UQCRC2: variants seen among roughly 807,000 people sequenced by gnomAD.
UQCRC2 encodes cytochrome b-c1 complex subunit 2, mitochondrial.
A neutral mutation model predicts 55.6 loss-of-function variants in UQCRC2; 49 were observed. That is an observed-to-expected ratio of 0.88 (90% CI 0.70 to 1.12). UQCRC2 has a LOEUF of 1.12. UQCRC2 is among the 50% of genes most tolerant of loss of function. The pLI, the probability that UQCRC2 is intolerant of heterozygous loss-of-function variation, is 0.00. For missense variants in UQCRC2, 506 were observed against 547.8 expected (o/e 0.92, Z 0.76); for synonymous variants, 193 against 192.0 (o/e 1.01, Z -0.04).
chr16:21,968,432 A>T, intron 7 of UQCRC2, 196 bp from the exon 8 acceptor site: 1 of 427,658 alleles, frequency 2.3e-6, no homozygotes, highest in Non-Finnish European at 4.1e-6. Context: ...GACCACAATT[A>T]GGTTCTAGTT....
Position 21,953,435 on chromosome 16 carries a change from A to G in UQCRC2, c.12A>G (p.Leu4=), listed in dbSNP as rs1280748452. The change falls in exon 1 of 14, where the codon CTA becomes CTG. Residue 4 remains leucine (L), a synonymous_variant. Transcript: ENST00000268379. MKL[L]TRAGSFSRFY... is the part of the protein sequence containing the mutation. ...AACAATCTTGAATCATGAAGCTACT[A>G]ACCAGAGCCGGCTCTTTCTCGGTGA... 3.7e-6 allele frequency: 6 copies of G among 1,613,036 alleles called. No individual in the cohort carries two copies. Among genetic ancestry groups the G allele is most frequent in the Non-Finnish European group, 4.2e-6 (5 of 1,179,700 alleles).
intron 10 of UQCRC2, among the ~76,000 whole-genome samples, chr16:21,973,113 A>C (rs1247415388): frequency 1.3e-5 from 2 of 152,086 alleles, no homozygotes; most frequent in Non-Finnish European, 2.9e-5. Context: ...AATATATATA[A>C]ATAAATAAAT....
rs771775129 is a variant in UQCRC2 at position 21,971,627 on chromosome 16, AT to A, written c.766+10del. ...AAGGCCAACTACCGTGGAGGTAAGC[AT>A]TTCATTCTATTAGGGTTAATTTATC... is the stretch of plus-strand genomic sequence containing the variant. On this transcript the variant is annotated splice_region_variant and intron_variant, in intron 9 of 13. Coordinates refer to ENST00000268379, the MANE Select transcript of UQCRC2 (RefSeq NM_003366.4). 11 of 1,612,714 alleles carry A rather than the reference AT, an allele frequency of 6.8e-6. No individual in the cohort carries two copies. In the South Asian group the frequency reaches 1.2e-4, roughly 18 times the overall value.
intron 13 of UQCRC2, among the ~76,000 whole-genome samples, chr16:21,982,086 C>T (rs370708805): frequency 2.0e-5 from 3 of 152,052 alleles, no homozygotes; most frequent in Admixed American, 6.5e-5. Flanking sequence ...GTGATCCACC[C>T]GCCTCAGCCT....
chr16:21,977,654 C>T (rs955105922), intron 12 of UQCRC2, among the ~76,000 whole-genome samples: 4 of 152,166 alleles, frequency 2.6e-5, no homozygotes, highest in African/African-American at 9.7e-5. Context: ...GGAAATCAAC[C>T]TGCATTTTCA....
chr16:21,955,318 G>A (rs2141924521), intron 1 of UQCRC2, among the ~76,000 whole-genome samples: 1 of 152,284 alleles, frequency 6.6e-6, no homozygotes, highest in African/African-American at 2.4e-5. Context: ...AGTACTAAAA[G>A]CAAGTGATAA....
chr16:21,965,922 A>C (rs1266160893), intron 7 of UQCRC2, among the ~76,000 whole-genome samples: 4 of 152,116 alleles, frequency 2.6e-5, no homozygotes, highest in Non-Finnish European at 5.9e-5. Context: ...AAGCTCAAGC[A>C]GTCCTTCTGC....
In UQCRC2 at chr16:21,964,518, TCTC is replaced by T. The variant is rs768697693; in HGVS notation, c.515-887_515-885del. 9.2e-5 allele frequency among the ~76,000 whole-genome samples: 14 copies of T among 152,290 alleles called. No homozygotes were observed. In the South Asian group the frequency reaches 2.5e-3, roughly 27 times the overall value. ...TCTCTTACTTTATGCTCTACCCTCT[TCTC>T]CTTCCAGCTGCAATTCCCATTTGAA... On this transcript the variant is annotated intron_variant, in intron 6 of 13. Coordinates refer to ENST00000268379, the MANE Select transcript of UQCRC2 (RefSeq NM_003366.4).
chr16:21,959,800 G>A (rs1048731863), intron 4 of UQCRC2: 1 of 152,214 alleles, frequency 6.6e-6, no homozygotes, highest in African/African-American at 2.4e-5. Flanking sequence ...CAGAAGGGAT[G>A]TTCTATTAGC....
chr16:21,971,637 A>C lies in UQCRC2; in HGVS notation c.766+17A>C, dbSNP rs772053496. On this transcript the variant is annotated intron_variant, in intron 9 of 13. Transcript: ENST00000268379. ...ACCGTGGAGGTAAGCATTTCATTCT[A>C]TTAGGGTTAATTTATCAGAAGGGCG... is the stretch of plus-strand genomic sequence containing the variant. The C allele has an allele frequency of 2.0e-5, 32 of 1,609,564 alleles. No homozygotes were observed. Among genetic ancestry groups the C allele is most frequent in the Non-Finnish European group, 2.7e-5 (32 of 1,177,138 alleles).
rs924394343 is a variant in UQCRC2, at chr16:21,961,648, A to C, written c.333-812A>C. On this transcript the variant is annotated intron_variant, in intron 4 of 13. Coordinates refer to ENST00000268379, the MANE Select transcript of UQCRC2 (RefSeq NM_003366.4). ...AATTTATATATATATATATATATAT[A>C]TATATATATATATATATATATTTTA... Among the ~76,000 whole-genome samples the C allele has an allele frequency of 6.6e-4, 67 of 101,870 alleles. 3 individuals carry two copies. The Middle Eastern group carries it at 0.026, about 39-fold the overall frequency. The allele number at this position is 101,870 out of a possible 152,430, so 66.8% of individuals were successfully genotyped here. A position where few individuals can be genotyped will look rare whatever the true frequency, so the allele number is the denominator to read the frequency against.
At chr16:21,978,706 C>T (rs1257567459) in intron 12 of UQCRC2, among the ~76,000 whole-genome samples, 1 of 152,174 alleles carries the variant, frequency 6.6e-6, no homozygotes, top group East Asian at 1.9e-4. Context: ...GTAACGTAAA[C>T]GGTTCACGTA....
chr16:21,960,705 G>A (rs1284985757), intron 4 of UQCRC2, among the ~76,000 whole-genome samples: 1 of 152,108 alleles, frequency 6.6e-6, no homozygotes, highest in African/African-American at 2.4e-5. Flanking sequence ...GCCATTGTCG[G>A]GTTATTCATT....
Position 21,973,928 on chromosome 16 carries a change from T to G in UQCRC2, c.999T>G (p.Ser333=). Residue 333 remains serine, a synonymous_variant, in exon 11 of 14, where the codon TCT becomes TCG. Coordinates refer to ENST00000268379, the MANE Select transcript of UQCRC2 (RefSeq NM_003366.4). ...CATTTAATGCCAGTTACTCAGATTCTGGACTCTTTGGGATTTATACTATCT... is the reference window on the plus strand; with the variant it reads ...CATTTAATGCCAGTTACTCAGATTCGGGACTCTTTGGGATTTATACTATCT... ...VSAFNASYSD[S]GLFGIYTISQ... The G allele has an allele frequency of 6.2e-7, 1 of 1,613,030 alleles. No individual in the cohort carries two copies. Among genetic ancestry groups the G allele is most frequent in the Non-Finnish European group, 8.5e-7 (1 of 1,179,646 alleles).
At position 21,980,364 on chromosome 16, in the gene UQCRC2, T is replaced by TA. The variant is rs989234937; in HGVS notation, c.1125-182dup. Reference sequence around the variant, plus strand: ...TGAAGAGACTTCTTCCCTTCAGACTTACTGTTTTAGTATGTTCCAGAGAAG... The same window carrying TA: ...TGAAGAGACTTCTTCCCTTCAGACTTAACTGTTTTAGTATGTTCCAGAGAAG... On this transcript the variant is annotated intron_variant, in intron 12 of 13. Transcript: ENST00000268379. 2.4e-5 allele frequency: 16 copies of TA among 659,644 alleles called. No homozygotes were observed. The African/African-American group carries it at 2.5e-4, about 11-fold the overall frequency. The allele number at this position is 659,644 out of a possible 1,614,324, so 40.9% of individuals were successfully genotyped here. A position where few individuals can be genotyped will look rare whatever the true frequency, so the allele number is the denominator to read the frequency against.
At chr16:21,964,430 T>G (rs1898277415) in intron 6 of UQCRC2, among the ~76,000 whole-genome samples, 1 of 152,190 alleles carries the variant, frequency 6.6e-6, no homozygotes, top group Admixed American at 6.5e-5. Context: ...TCTTATTATC[T>G]ATGGGATAAA....
chr16:21,968,576 G>A, intron 7 of UQCRC2, 52 bp from the exon 8 acceptor site: 5 of 1,487,414 alleles, frequency 3.4e-6, no homozygotes, highest in Non-Finnish European at 4.6e-6. Context: ...TGTTTTTACA[G>A]CTTTTTATAT....
Position 21,958,577 on chromosome 16 carries a change from G to C in UQCRC2, c.310G>C (p.Glu104Gln), listed in dbSNP as rs887728256. 2.5e-6 allele frequency: 4 copies of C among 1,612,466 alleles called. No homozygotes were observed. Among genetic ancestry groups the C allele is most frequent in the Non-Finnish European group, 3.4e-6 (4 of 1,179,584 alleles). The change falls in exon 4 of 14, where the codon GAA (glutamate) becomes CAA (glutamine). Residue 104 changes from glutamate to glutamine, a missense_variant. Coordinates refer to ENST00000268379, the MANE Select transcript of UQCRC2 (RefSeq NM_003366.4). ...ASSFKITRGI[E>Q]AVGGKLSVTA... ...ATCTTTCAAGATAACCCGTGGAATT[G>C]AAGCAGTTGGTGGCAAATTAAGGTT...
At position 21,962,780 on chromosome 16, in the gene UQCRC2, CT is replaced by C. The variant is rs1898235773; in HGVS notation, c.410del (p.Leu137ArgfsTer15). On this transcript the variant is annotated frameshift_variant, in exon 6 of 14. Transcript: ENST00000268379. LOFTEE classifies it high-confidence loss of function. The stretch of plus-strand genomic sequence containing the variant: ...CTGTAGTGATATTCTAATGGAGTTC[CT>C]GCTCAATGTCACCACAGCACCAGAA... ...RGDVDILMEF[L>X]LNVTTAPEFR... 6.2e-7 allele frequency: 1 copy of C among 1,614,056 alleles called. No individual in the cohort carries two copies. Among genetic ancestry groups the C allele is most frequent in the Non-Finnish European group, 8.5e-7 (1 of 1,180,024 alleles).
Sources: allele counts gnomAD v4.1 joint callset (sites outside exome capture counted in the v4.1 genomes callset), GRCh38; gene constraint gnomAD v4.1.1; transcripts MANE v1.5; gene names NCBI Gene and HGNC (gene_info 2026-07-23, HGNC 2026-07-21).